The following C1orf141 variants were observed in gnomAD, a reference collection of about 807,000 sequenced individuals.
C1orf141 encodes the protein uncharacterized protein C1orf141.
A neutral mutation model predicts 23.2 loss-of-function variants in C1orf141; 19 were observed. That is an observed-to-expected ratio of 0.82 (90% CI 0.57 to 1.20). The LOEUF is 1.20. Ranked by LOEUF, C1orf141 falls within the 50% of genes most tolerant of loss-of-function variation. C1orf141 has a pLI of 0.00. For synonymous variants in C1orf141, 153 were observed against 154.6 expected (o/e 0.99, Z 0.08); for missense variants, 469 against 455.1 (o/e 1.03, Z -0.28).
intron 5 of C1orf141, among the ~76,000 whole-genome samples, chr1:67,107,385 C>G (rs2102445303): frequency 6.6e-6 from 1 of 151,986 alleles, no homozygotes; most frequent in East Asian, 1.9e-4. Flanking sequence ...TTAATTTCAC[C>G]CATATCACCA....
chr1:67,097,820 AGTG>A (rs1373076370), intron 5 of C1orf141, among the ~76,000 whole-genome samples: 2 of 152,134 alleles, frequency 1.3e-5, no homozygotes, highest in African/African-American at 4.8e-5. Context: ...TAGCAGTGTA[AGTG>A]GTGGGAAATC....
At chr1:67,119,382 A>T (rs540685237) in intron 4 of C1orf141, among the ~76,000 whole-genome samples, 169 of 152,312 alleles carry the variant, frequency 1.1e-3, no homozygotes, top group African/African-American at 3.9e-3. Flanking sequence ...ATGAAATTGG[A>T]TAGTTAGCTG....
chr1:67,140,934 C>T (rs1358581411), intron 1 of C1orf141, among the ~76,000 whole-genome samples: 1 of 152,086 alleles, frequency 6.6e-6, no homozygotes. Context: ...TAGTAAATGG[C>T]AGATTCAGAA....
chr1:67,109,564 A>G (rs1383717807), intron 5 of C1orf141, among the ~76,000 whole-genome samples: 1 of 152,206 alleles, frequency 6.6e-6, no homozygotes, highest in Non-Finnish European at 1.5e-5. Context: ...ATGATAAGAA[A>G]GTTACATGCT....
intron 5 of C1orf141, among the ~76,000 whole-genome samples, chr1:67,100,972 G>A (rs1645784413): frequency 6.6e-6 from 1 of 151,626 alleles, no homozygotes; most frequent in Non-Finnish European, 1.5e-5. Flanking sequence ...TGGTGGCGGT[G>A]AGTACTCTGT....
chr1:67,096,131 G>A, intron 6 of C1orf141, 121 bp downstream of exon 6: 1 of 604,372 alleles, frequency 1.7e-6, no homozygotes, highest in Non-Finnish European at 2.9e-6. Flanking sequence ...ACCATTCATT[G>A]GATTGTGCTG....
At chr1:67,103,152 G>T in intron 5 of C1orf141, 1 of 672,194 alleles carries the variant, frequency 1.5e-6, no homozygotes, top group Non-Finnish European at 2.3e-6. Flanking sequence ...AATATTCCTT[G>T]GATAAAGATT....
chr1:67,107,207 G>A (rs945598961), intron 5 of C1orf141, among the ~76,000 whole-genome samples: 2 of 151,394 alleles, frequency 1.3e-5, no homozygotes, highest in East Asian at 3.9e-4. Flanking sequence ...TAATCTATAC[G>A]GAAACCACTA....
At chr1:67,117,813 C>T (rs1161651835) in intron 4 of C1orf141, among the ~76,000 whole-genome samples, 1 of 152,074 alleles carries the variant, frequency 6.6e-6, no homozygotes, top group Non-Finnish European at 1.5e-5. Flanking sequence ...TAAAGATATT[C>T]AGATATGAAT....
At chr1:67,112,258 T>C (rs1221049426) in intron 5 of C1orf141, among the ~76,000 whole-genome samples, 1 of 152,198 alleles carries the variant, frequency 6.6e-6, no homozygotes, top group Non-Finnish European at 1.5e-5. Flanking sequence ...ATAATAGATG[T>C]AACAAATTTA....
At position 67,093,784 on chromosome 1, in the gene C1orf141, T is replaced by A. The variant is rs533553963; in HGVS notation, c.604-180A>T. ...ATACTGTACTTGTATGTAACATACA[T>A]CCTTCTTATCTTAATATTCTATAGA... On this transcript the variant is annotated intron_variant, in intron 7 of 7. Coordinates refer to ENST00000684719, the MANE Select transcript of C1orf141 (RefSeq NM_001276351.2). The A allele has an allele frequency of 2.0e-3, 802 of 401,836 alleles. 4 individuals carry two copies. Among genetic ancestry groups the A allele is most frequent in the Non-Finnish European group, 3.1e-3 (728 of 231,302 alleles). 24.9% of individuals were successfully genotyped at this position (401,836 alleles called of 1,614,324 possible).
chr1:67,095,156 G>A (rs1171611967), intron 7 of C1orf141, 79 bp downstream of exon 7: 1 of 802,974 alleles, frequency 1.2e-6, no homozygotes, highest in African/African-American at 1.8e-5. Context: ...AAAGATTCTG[G>A]TCACTAAAAT....
chr1:67,139,052 A>G (rs1646609858), upstream of C1orf141: 1 of 152,328 alleles, frequency 6.6e-6, no homozygotes, highest in Non-Finnish European at 1.5e-5. Flanking sequence ...AGTGGAGTCA[A>G]TCCAGGGGAA....
chr1:67,120,139 T>C (rs1368221580), intron 4 of C1orf141, among the ~76,000 whole-genome samples: 2 of 152,194 alleles, frequency 1.3e-5, no homozygotes, highest in Non-Finnish European at 2.9e-5. Flanking sequence ...CTTGCATGGT[T>C]TTAGAATTAT....
chr1:67,115,678 A>T (rs1481159733), intron 4 of C1orf141, among the ~76,000 whole-genome samples: 7 of 152,160 alleles, frequency 4.6e-5, no homozygotes, highest in Non-Finnish European at 7.4e-5. Context: ...ACAGAAAACT[A>T]CTTGCTGCTG....
intron 5 of C1orf141, among the ~76,000 whole-genome samples, chr1:67,103,621 C>G (rs1219792607): frequency 2.0e-5 from 3 of 152,090 alleles, no homozygotes; most frequent in Non-Finnish European, 4.4e-5. Context: ...CTTATGCTCA[C>G]ATTTTTTACT....
chr1:67,092,900 A>T lies in C1orf141; in HGVS notation c.*105T>A. ...TCTAATGTCTATGCTTTGCTTTCTT[A>T]TATGATCAATTAGAACATTACTATT... On this transcript the variant is annotated 3_prime_UTR_variant, in exon 8 of 8. Transcript: ENST00000684719. 3 of 880,658 alleles carry T rather than the reference A, an allele frequency of 3.4e-6. No individual in the cohort carries two copies. Among genetic ancestry groups the T allele is most frequent in the East Asian group, 5.2e-5 (2 of 38,638 alleles). The allele number at this position is 880,658 out of a possible 1,614,324, so 54.6% of individuals were successfully genotyped here.
intron 7 of C1orf141, 103 bp from the exon 8 acceptor site, chr1:67,093,707 G>T (rs964724370): frequency 1.2e-6 from 1 of 852,674 alleles, no homozygotes; most frequent in Non-Finnish European, 1.7e-6. Flanking sequence ...TTCTAAAAAT[G>T]ACTACATACA....
At chr1:67,110,214 C>T (rs928658980) in intron 5 of C1orf141, among the ~76,000 whole-genome samples, 2 of 151,560 alleles carry the variant, frequency 1.3e-5, no homozygotes, top group African/African-American at 4.8e-5. Context: ...AGTTGGAAGA[C>T]AGGATAAAAC....
Sources: allele counts gnomAD v4.1 joint callset (sites outside exome capture counted in the v4.1 genomes callset), GRCh38; gene constraint gnomAD v4.1.1; transcripts MANE v1.5; gene names NCBI Gene and HGNC (gene_info 2026-07-23, HGNC 2026-07-21).